The following DOCK7 variants were observed in gnomAD, a reference collection of about 807,000 sequenced individuals.
The protein encoded by DOCK7 is dedicator of cytokinesis protein 7.
In DOCK7, 138 loss-of-function variants were observed where a neutral mutation model predicts 271.0. The observed-to-expected ratio is 0.51, with a 90% CI of 0.44 to 0.59. The LOEUF (loss-of-function observed/expected upper bound fraction) is 0.59, where lower values mean the gene tolerates loss of function less well. DOCK7 is among the 20% of genes least tolerant of loss of function. The probability of loss-of-function intolerance (pLI) is 0.00; values close to 1 mark genes in which losing one functional copy is unlikely to be tolerated. For missense variants in DOCK7, 2,066 were observed against 2,592.4 expected (o/e 0.80, Z 4.41); for synonymous variants, 823 against 876.1 (o/e 0.94, Z 1.07).
At chr1:62,669,953 G>C (rs28399032) in intron 1 of DOCK7, among the ~76,000 whole-genome samples, 49,035 of 150,864 alleles carry the variant, frequency 0.33, 7,544 homozygotes, top group South Asian at 0.41. Context: ...GTTCCGGGTG[G>C]GCGTGGGCTT....
chr1:62,666,127 G>C (rs1273816247), intron 1 of DOCK7, among the ~76,000 whole-genome samples: 1 of 152,202 alleles, frequency 6.6e-6, no homozygotes, highest in African/African-American at 2.4e-5. Flanking sequence ...TTGCACCACT[G>C]CACTCCAGCC....
chr1:62,655,097 T>C (rs931378475), intron 2 of DOCK7, among the ~76,000 whole-genome samples: 2 of 152,180 alleles, frequency 1.3e-5, no homozygotes, highest in African/African-American at 4.8e-5. Flanking sequence ...ACAGTAGCCA[T>C]ACGAAAGGAA....
At chr1:62,530,278 C>T (rs967935111) in intron 29 of DOCK7, among the ~76,000 whole-genome samples, 2 of 152,198 alleles carry the variant, frequency 1.3e-5, no homozygotes, top group Admixed American at 1.3e-4. Flanking sequence ...TCTTTTAACA[C>T]AATTCCATCT....
chr1:62,460,594 CAATGT>C (rs1645491409), intron 48 of DOCK7, among the ~76,000 whole-genome samples: 1 of 128,098 alleles, frequency 7.8e-6, no homozygotes, highest in Admixed American at 9.1e-5. Flanking sequence ...AAACTTGTGC[CAATGT>C]ATTGAACACA....
chr1:62,561,731 A>G (rs759878292), intron 18 of DOCK7, 28 bp from the exon 19 acceptor site: 2 of 1,265,546 alleles, frequency 1.6e-6, no homozygotes, highest in Non-Finnish European at 2.1e-6. Flanking sequence ...TAATGATCAC[A>G]GATGCTTAAG....
At chr1:62,583,939 G>A (rs762933087) in intron 15 of DOCK7, among the ~76,000 whole-genome samples, 10 of 152,116 alleles carry the variant, frequency 6.6e-5, no homozygotes, top group Non-Finnish European at 1.5e-4. Flanking sequence ...CAGAGCAGCT[G>A]ATTAGATAAA....
chr1:62,512,626 C>T lies in DOCK7; in HGVS notation c.4282+818G>A, dbSNP rs200345297. ...TCATTTTGCAAATAAAGAGTAAAAACAGGCCAGACGTGGTGGCTCACAGAA... is the reference window on the plus strand; with the variant it reads ...TCATTTTGCAAATAAAGAGTAAAAATAGGCCAGACGTGGTGGCTCACAGAA... On this transcript the variant is annotated intron_variant, in intron 33 of 49. Coordinates refer to ENST00000635253, the MANE Select transcript of DOCK7 (RefSeq NM_001367561.1). Among the ~76,000 whole-genome samples, 6 of 151,864 alleles carry T rather than the reference C, an allele frequency of 4.0e-5. No homozygotes were observed. The East Asian group carries it at 1.2e-3, about 29-fold the overall frequency.
At position 62,457,617 on chromosome 1, in the gene DOCK7, G is replaced by A. The variant is rs1557571136; in HGVS notation, c.6301C>T (p.Leu2101Phe). The A allele has an allele frequency of 6.2e-7, 1 of 1,614,178 alleles. No homozygotes were observed. Among genetic ancestry groups the A allele is most frequent in the African/African-American group, 1.3e-5 (1 of 75,044 alleles). ...ATCAGTGGCTGTAGGGCCTCTTTAA[G>A]GCGATGATAGTTTCTCTCCAGTTCC... ...QRELERNYHR[L>F]KEALQPLINR... is the part of the protein sequence containing the mutation. The change falls in exon 49 of 50, where the codon CTT becomes TTT. Residue 2101 changes from leucine to phenylalanine, a missense_variant. Leu to Phe is a conservative substitution (Grantham distance 22). Coordinates refer to ENST00000635253, the MANE Select transcript of DOCK7 (RefSeq NM_001367561.1).
At chr1:62,510,316 G>T (rs1644446478) in intron 34 of DOCK7, among the ~76,000 whole-genome samples, 1 of 152,012 alleles carries the variant, frequency 6.6e-6, no homozygotes, top group South Asian at 2.1e-4. Flanking sequence ...AAAAATAGTT[G>T]CTGAATGCAT....
At chr1:62,528,350 A>T (rs1234970785) in intron 30 of DOCK7, 45 bp from the exon 31 acceptor site, 2 of 1,531,172 alleles carry the variant, frequency 1.3e-6, no homozygotes, top group African/African-American at 1.4e-5. Flanking sequence ...TGTTTAGCTG[A>T]ACTAATTCCC....
chr1:62,620,708 G>T (rs910419254), intron 12 of DOCK7, among the ~76,000 whole-genome samples: 2 of 151,582 alleles, frequency 1.3e-5, no homozygotes, highest in African/African-American at 4.8e-5. Context: ...GTGAAACCCT[G>T]TCTCTACTAA....
chr1:62,468,346 G>A (rs1445290860), intron 48 of DOCK7, among the ~76,000 whole-genome samples: 1 of 137,704 alleles, frequency 7.3e-6, no homozygotes, highest in Non-Finnish European at 1.5e-5. Flanking sequence ...GGGCAACAGA[G>A]CGAGACTCTG....
chr1:62,554,894 A>T (rs1571525905), intron 21 of DOCK7, among the ~76,000 whole-genome samples: 1 of 152,352 alleles, frequency 6.6e-6, no homozygotes, highest in East Asian at 1.9e-4. Context: ...AAAGAAATAA[A>T]TTGGGCTAAA....
chr1:62,491,811 CG>C (rs1446131509), intron 41 of DOCK7, among the ~76,000 whole-genome samples: 107 of 152,284 alleles, frequency 7.0e-4, no homozygotes, highest in Non-Finnish European at 3.2e-4. Context: ...TGTTTTGCTA[CG>C]TTTTTTAACT....
At chr1:62,518,247 C>T (rs1343636341) in intron 31 of DOCK7, among the ~76,000 whole-genome samples, 4 of 151,192 alleles carry the variant, frequency 2.6e-5, no homozygotes, top group African/African-American at 9.7e-5. Context: ...ATCAGCCTGG[C>T]CAACATAGTG....
At chr1:62,465,689 T>A (rs1230445268) in intron 48 of DOCK7, among the ~76,000 whole-genome samples, 2 of 152,106 alleles carry the variant, frequency 1.3e-5, no homozygotes, top group Admixed American at 1.3e-4. Flanking sequence ...GTACCTGGGA[T>A]TACATGTGTG....
At position 62,528,284 on chromosome 1, in the gene DOCK7, C is replaced by T. The variant is rs757564314; in HGVS notation, c.3803G>A (p.Arg1268Lys). The T allele has an allele frequency of 7.4e-6, 12 of 1,611,764 alleles. No individual in the cohort carries two copies. The Admixed American group carries it at 1.7e-4, about 22-fold the overall frequency. ...DFTETHNQRG[R>K]PICIATDDYE... Reference sequence around the variant, plus strand: ...ATCATCAGTGGCTATACAAATTGGTCTTCCTCGTTGATTGTGAGTTTCTAA... The same window carrying T: ...ATCATCAGTGGCTATACAAATTGGTTTTCCTCGTTGATTGTGAGTTTCTAA... Residue 1268 changes from arginine (R) to lysine (K), a missense_variant, in exon 31 of 50, where the codon AGA becomes AAA. Physicochemically the swap from Arg to Lys is conservative, Grantham distance 26 (BLOSUM62 2). This residue lies in a region of DOCK7 where 1,414 missense variants were observed against 1,670.4 expected (regional missense o/e 0.85). Transcript: ENST00000635253.
intron 43 of DOCK7, chr1:62,478,150 T>A (rs537184300): frequency 2.0e-5 from 4 of 197,010 alleles, no homozygotes; most frequent in African/African-American, 9.3e-5. Flanking sequence ...CTCATTTTCC[T>A]TATTGCAAGA....
chr1:62,461,623 C>T (rs1645529196), intron 48 of DOCK7, among the ~76,000 whole-genome samples: 1 of 150,926 alleles, frequency 6.6e-6, no homozygotes, highest in Non-Finnish European at 1.5e-5. Flanking sequence ...GCCATGATCA[C>T]ACCACTGCAC....
Sources: allele counts gnomAD v4.1 joint callset (sites outside exome capture counted in the v4.1 genomes callset), GRCh38; gene constraint gnomAD v4.1.1; regional missense constraint gnomAD v4.1.1; transcripts MANE v1.5; gene names NCBI Gene and HGNC (gene_info 2026-07-23, HGNC 2026-07-21).